TSHZ2: variants seen among roughly 807,000 people sequenced by gnomAD.
The protein encoded by TSHZ2 is teashirt zinc finger homeobox 2.
In TSHZ2, 21 loss-of-function variants were observed where a neutral mutation model predicts 74.4. That is an observed-to-expected ratio of 0.28 (90% CI 0.20 to 0.41). TSHZ2 has a LOEUF of 0.41. Among genes scored for constraint, TSHZ2 ranks in the 10% least tolerant of loss-of-function variants. The pLI is 1.00. For missense variants in TSHZ2, 1,244 were observed against 1,293.5 expected, an observed-to-expected ratio of 0.96 and a Z score of 0.59; for synonymous variants, 540 against 515.3, an observed-to-expected ratio of 1.05 and a Z score of -0.65.
chr20:53,171,326 A>G (rs1007948944), intron 1 of TSHZ2, among the ~76,000 whole-genome samples: 1 of 152,240 alleles, frequency 6.6e-6, no homozygotes. Flanking sequence ...TCTGTTTTCC[A>G]TTTTAAATCG....
chr20:53,438,569 A>G (rs1239859696), intron 2 of TSHZ2, among the ~76,000 whole-genome samples: 1 of 152,240 alleles, frequency 6.6e-6, no homozygotes, highest in Non-Finnish European at 1.5e-5. Context: ...CTGATTGGCC[A>G]GACTTGGGTC....
In TSHZ2 at chr20:53,482,053, G is replaced by A. The variant is rs887158094; in HGVS notation, c.*9-5091G>A. Among the ~76,000 whole-genome samples the A allele has an allele frequency of 7.2e-5, 10 of 137,976 alleles. No homozygotes were observed. In the East Asian group the frequency reaches 1.1e-3, roughly 16 times the overall value. 90.5% of individuals were successfully genotyped at this position (137,976 alleles called of 152,430 possible). On this transcript the variant is annotated intron_variant, in intron 2 of 2. Coordinates refer to ENST00000371497, the MANE Select transcript of TSHZ2 (RefSeq NM_173485.6). The stretch of plus-strand genomic sequence containing the variant: ...CGGGAGGTAGAAGTTGCAGTGAGTC[G>A]AGATATCGTGCCATTGCACTGCAGC...
At chr20:53,484,981 C>T (rs1986256365) in intron 2 of TSHZ2, among the ~76,000 whole-genome samples, 1 of 152,126 alleles carries the variant, frequency 6.6e-6, no homozygotes, top group South Asian at 2.1e-4. Context: ...CTAAAATGAA[C>T]ATTACCACCA....
chr20:53,064,499 A>G (rs1984915994), intron 1 of TSHZ2, among the ~76,000 whole-genome samples: 1 of 152,068 alleles, frequency 6.6e-6, no homozygotes, highest in Non-Finnish European at 1.5e-5. Flanking sequence ...GAAATTTAAT[A>G]TCAGCCAAGA....
At chr20:53,031,765 C>T (rs912924979) in intron 1 of TSHZ2, among the ~76,000 whole-genome samples, 1 of 152,172 alleles carries the variant, frequency 6.6e-6, no homozygotes, top group African/African-American at 2.4e-5. Context: ...ATTTTCAGCT[C>T]TTGCATTCTG....
chr20:53,251,785 C>T (rs1990337278), intron 1 of TSHZ2, among the ~76,000 whole-genome samples: 1 of 152,212 alleles, frequency 6.6e-6, no homozygotes, highest in Admixed American at 6.5e-5. Flanking sequence ...CAGTTTTCCC[C>T]TGTGATGTGG....
intron 2 of TSHZ2, among the ~76,000 whole-genome samples, chr20:53,424,779 C>T (rs1426233991): frequency 1.3e-5 from 2 of 152,162 alleles, no homozygotes; most frequent in African/African-American, 4.8e-5. Context: ...TCCATGTGCT[C>T]TCATTGTTCC....
rs1183117827 is a variant in TSHZ2, at chr20:52,972,547, T to TGTGA, written c.-738_-735dup. 17 of 153,142 alleles carry TGTGA rather than the reference T, an allele frequency of 1.1e-4. No individual in the cohort carries two copies. Among genetic ancestry groups the TGTGA allele is most frequent in the Non-Finnish European group, 1.6e-4 (11 of 68,592 alleles). 9.5% of individuals were successfully genotyped at this position (153,142 alleles called of 1,614,324 possible). A position where few individuals can be genotyped will look rare whatever the true frequency, so the allele number is the denominator to read the frequency against. On this transcript the variant is annotated 5_prime_UTR_variant, in exon 1 of 3. Transcript: ENST00000371497. ...GTCTGTGTGTGTGTCTGTGTGTGTG[T>TGTGA]GTGAGTGAGTGAATTCCAGATTTTC...
rs1234229503 is a variant in TSHZ2, at chr20:53,074,399, A to G, written c.40+101066A>G. Reference sequence around the variant, plus strand: ...GTCTTTGTGTTCTTACAGTGCCTCAATTGCTCACCAGGAAGTGGGCTGGCC... The same window carrying G: ...GTCTTTGTGTTCTTACAGTGCCTCAGTTGCTCACCAGGAAGTGGGCTGGCC... On this transcript the variant is annotated intron_variant, in intron 1 of 2. Coordinates refer to ENST00000371497, the MANE Select transcript of TSHZ2 (RefSeq NM_173485.6). The surrounding 1 kb of genome is among the most constrained non-coding windows in gnomAD (Gnocchi z 5.9). Among the ~76,000 whole-genome samples the G allele has an allele frequency of 1.3e-5, 2 of 152,196 alleles. No individual in the cohort carries two copies. The highest frequency in any genetic ancestry group is 1.3e-4 in the Admixed American group (2 of 15,274).
intron 1 of TSHZ2, among the ~76,000 whole-genome samples, chr20:53,120,191 C>T (rs1415322678): frequency 1.3e-5 from 2 of 152,094 alleles, no homozygotes; most frequent in Non-Finnish European, 2.9e-5. Flanking sequence ...AATATGAATC[C>T]GTGGATTCCA....
Position 53,004,990 on chromosome 20 carries a change from C to T in TSHZ2, c.40+31657C>T, listed in dbSNP as rs554596008. On this transcript the variant is annotated intron_variant, in intron 1 of 2. Transcript: ENST00000371497. ...CGTGGGAGTCATCCTGAACTTTGAA[C>T]CTCTTCCCTTAACTGCACTACATAT... Among the ~76,000 whole-genome samples, 6 of 152,140 alleles carry T rather than the reference C, an allele frequency of 3.9e-5. No individual in the cohort carries two copies. The South Asian group carries it at 1.2e-3, about 32-fold the overall frequency.
At chr20:53,296,132 T>A (rs1394196080) in intron 2 of TSHZ2, among the ~76,000 whole-genome samples, 3 of 151,882 alleles carry the variant, frequency 2.0e-5, no homozygotes, top group Non-Finnish European at 4.4e-5. Context: ...ATCCGTCCCA[T>A]CTCCAAAATT....
At chr20:53,345,976 C>T (rs1223421631) in intron 2 of TSHZ2, among the ~76,000 whole-genome samples, 1 of 152,120 alleles carries the variant, frequency 6.6e-6, no homozygotes, top group Non-Finnish European at 1.5e-5. Flanking sequence ...CAGGGACCCC[C>T]TTGCACAAAT....
rs551053959 is a variant in TSHZ2 at position 53,492,273 on chromosome 20, C to T, written c.*5138C>T. On this transcript the variant is annotated 3_prime_UTR_variant, in exon 3 of 3. Transcript: ENST00000371497. ...GTAATATTTTCACTTTCTAAATGAC[C>T]CATATAACATTCAGGAATTATAGAT... 1 of 152,182 alleles carries T rather than the reference C, an allele frequency of 6.6e-6. No individual in the cohort carries two copies. Among genetic ancestry groups the T allele is most frequent in the African/African-American group, 2.4e-5 (1 of 41,524 alleles). 9.4% of individuals were successfully genotyped at this position (152,182 alleles called of 1,614,324 possible).
intron 1 of TSHZ2, among the ~76,000 whole-genome samples, chr20:53,133,197 A>G (rs535552652): frequency 6.6e-5 from 10 of 152,128 alleles, no homozygotes; most frequent in African/African-American, 2.4e-4. Flanking sequence ...AGTTCATTCC[A>G]TTTTGACCAC....
chr20:53,044,759 G>T (rs1315719408), intron 1 of TSHZ2, among the ~76,000 whole-genome samples: 1 of 152,098 alleles, frequency 6.6e-6, no homozygotes, highest in Non-Finnish European at 1.5e-5. Flanking sequence ...GGCCAGGCTG[G>T]AGTACAGTGA....
intron 1 of TSHZ2, among the ~76,000 whole-genome samples, chr20:53,249,563 GC>G (rs570010050): frequency 1.0e-3 from 152 of 152,316 alleles, no homozygotes; most frequent in African/African-American, 3.6e-3. Flanking sequence ...ACTGAGAAGG[GC>G]CCATTGGAGC....
intron 2 of TSHZ2, among the ~76,000 whole-genome samples, chr20:53,301,275 A>G (rs1991472621): frequency 6.6e-6 from 1 of 152,232 alleles, no homozygotes; most frequent in South Asian, 2.1e-4. Context: ...TGATTTCTAA[A>G]AGGGAAAAAG....
At chr20:53,422,223 A>G (rs1038999009) in intron 2 of TSHZ2, among the ~76,000 whole-genome samples, 1 of 152,200 alleles carries the variant, frequency 6.6e-6, no homozygotes, top group Non-Finnish European at 1.5e-5. Context: ...CTGCCAGGGA[A>G]GATTAAAGTG....
Sources: gnomAD v4.1 joint callset for allele counts (sites outside exome capture counted in the v4.1 genomes callset) on GRCh38, gnomAD v4.1.1 for gene constraint, Gnocchi (gnomAD v3.1) non-coding constraint, MANE v1.5 for transcripts, NCBI Gene and HGNC (gene_info 2026-07-23, HGNC 2026-07-21) for gene names.